Variants in NT5DC3 observed in about 807,000 individuals in gnomAD.
NT5DC3 encodes 5'-nucleotidase domain-containing protein 3.
NT5DC3 carries 42 observed loss-of-function variants against 67.8 expected under a neutral mutation model. The ratio of observed to expected loss-of-function variants is 0.62; its 90% CI spans 0.48 to 0.80. NT5DC3 has a LOEUF of 0.80. Ranked by LOEUF, NT5DC3 falls within the 30% of genes least tolerant of loss-of-function variation. The pLI, the probability that NT5DC3 is intolerant of heterozygous loss-of-function variation, is 0.00. For missense variants in NT5DC3, 570 were observed against 696.4 expected, an observed-to-expected ratio of 0.82 and a Z score of 2.04; for synonymous variants, 237 against 255.6, an observed-to-expected ratio of 0.93 and a Z score of 0.69.
chr12:103,840,912 G>A, intron 1 of NT5DC3, 37 bp downstream of exon 1: 3 of 1,265,328 alleles, frequency 2.4e-6, no homozygotes, highest in Non-Finnish European at 2.1e-6. Context: ...CGCAGGAGGG[G>A]CCCCAGGCGC....
At chr12:103,779,107 T>C (rs534885485) in intron 13 of NT5DC3, among the ~76,000 whole-genome samples, 1 of 152,314 alleles carries the variant, frequency 6.6e-6, no homozygotes, top group Non-Finnish European at 1.5e-5. Context: ...TTGTAAACTC[T>C]CAAGTGCTCA....
At position 103,777,979 on chromosome 12, in the gene NT5DC3, G is replaced by T; in HGVS notation, c.1497C>A (p.Ile499=). ...GGAGGCAGCTCAGAGACGCCATGTA[G>T]ATGTCAGCGAAGCGCGACAGGCGCC... is the stretch of plus-strand genomic sequence containing the variant. ...FLRRLSRFAD[I]YMASLSCLLN... is the part of the protein sequence containing the mutation. Residue 499 remains isoleucine (I), a synonymous_variant, in exon 14 of 14, where the codon ATC becomes ATA. Transcript: ENST00000392876. 4.3e-6 allele frequency: 7 copies of T among 1,614,222 alleles called. No homozygotes were observed. The highest frequency in any genetic ancestry group is 5.9e-6 in the Non-Finnish European group (7 of 1,180,040).
the NT5DC3 span, among the ~76,000 whole-genome samples, chr12:103,756,990 A>AG: frequency 0.16 from 8,604 of 53,748 alleles, 949 homozygotes; most frequent in African/African-American, 0.42. Context: ...GCCCAGAAGG[A>AG]GGGAAAATAT....
At chr12:103,803,450 T>C (rs1886666381) in intron 4 of NT5DC3, among the ~76,000 whole-genome samples, 1 of 152,160 alleles carries the variant, frequency 6.6e-6, no homozygotes, top group Non-Finnish European at 1.5e-5. Context: ...AATATACATG[T>C]TACTTACAAA....
At position 103,811,384 on chromosome 12, in the gene NT5DC3, G is replaced by A. The variant is rs567843390; in HGVS notation, c.393+3553C>T. ...GGGTTTGGAGGTTCAAGGAGCAGGAGGGGAGGAGAGGAGACGGCTGGAGGA... is the reference window on the plus strand; with the variant it reads ...GGGTTTGGAGGTTCAAGGAGCAGGAAGGGAGGAGAGGAGACGGCTGGAGGA... On this transcript the variant is annotated intron_variant, in intron 2 of 13. Coordinates refer to ENST00000392876, the MANE Select transcript of NT5DC3 (RefSeq NM_001031701.3). 2.3e-3 allele frequency among the ~76,000 whole-genome samples: 348 copies of A among 152,292 alleles called. 2 individuals are homozygous for A. The highest frequency in any genetic ancestry group is 8.1e-3 in the African/African-American group (336 of 41,546).
rs1397360971 is a variant in NT5DC3, at chr12:103,775,700, C to T, written c.*2129G>A. The T allele has an allele frequency of 7.2e-6, 1 of 139,082 alleles. No homozygotes were observed. Among genetic ancestry groups the T allele is most frequent in the East Asian group, 2.8e-4 (1 of 3,632 alleles). 8.6% of individuals were successfully genotyped at this position (139,082 alleles called of 1,614,324 possible). On this transcript the variant is annotated 3_prime_UTR_variant, in exon 14 of 14. Coordinates refer to ENST00000392876, the MANE Select transcript of NT5DC3 (RefSeq NM_001031701.3). ...AAAAAGAACATACTACTGTGCCTTA[C>T]TGTGTTCATAACAAAATGTAGAAGA...
chr12:103,756,025 A>G, the NT5DC3 span, among the ~76,000 whole-genome samples: 1 of 152,166 alleles, frequency 6.6e-6, no homozygotes, highest in Admixed American at 6.5e-5. Flanking sequence ...TGGTCTGTAC[A>G]TGGAAAATTC....
At chr12:103,764,578 T>TTAA in the NT5DC3 span, among the ~76,000 whole-genome samples, 2 of 152,228 alleles carry the variant, frequency 1.3e-5, no homozygotes, top group African/African-American at 4.8e-5. Context: ...GGAATAGAAC[T>TTAA]TAATTTTTCT....
chr12:103,746,494 T>G, the NT5DC3 span: 1 of 1,057,854 alleles, frequency 9.5e-7, no homozygotes, highest in Admixed American at 1.7e-5. Flanking sequence ...GGGGCACTTA[T>G]GAACACAGTG....
In NT5DC3 at chr12:103,777,949, G is replaced by C; in HGVS notation, c.1527C>G (p.Asn509Lys). The C allele has an allele frequency of 6.2e-7, 1 of 1,614,238 alleles. No individual in the cohort carries two copies. The highest frequency in any genetic ancestry group is 8.5e-7 in the Non-Finnish European group (1 of 1,180,050). ...IYMASLSCLL[N>K]YDVSHTFYPR... ...GGTAGAAAGTGTGGCTGACGTCATA[G>C]TTCAGGAGGCAGCTCAGAGACGCCA... Residue 509 changes from asparagine (N) to lysine (K), a missense_variant, in exon 14 of 14, where the codon AAC becomes AAG. Physicochemically the swap from Asn to Lys is moderately conservative, Grantham distance 94. Coordinates refer to ENST00000392876, the MANE Select transcript of NT5DC3 (RefSeq NM_001031701.3).
intron 2 of NT5DC3, among the ~76,000 whole-genome samples, chr12:103,810,683 GT>G (rs1292601609): frequency 6.6e-6 from 1 of 152,160 alleles, no homozygotes; most frequent in East Asian, 1.9e-4. Context: ...AGAGCAAAGT[GT>G]CCCCCTGAAA....
At chr12:103,746,347 T>C in the NT5DC3 span, 2 of 349,822 alleles carry the variant, frequency 5.7e-6, no homozygotes, top group Non-Finnish European at 5.3e-6. Flanking sequence ...TGATAGCCCC[T>C]AAAGAACATT....
chr12:103,764,145 G>T, the NT5DC3 span, among the ~76,000 whole-genome samples: 4 of 152,132 alleles, frequency 2.6e-5, no homozygotes, highest in South Asian at 8.3e-4. Flanking sequence ...TACAGACAGG[G>T]TTTCTCCATG....
intron 4 of NT5DC3, among the ~76,000 whole-genome samples, chr12:103,799,102 G>A (rs76891125): frequency 0.053 from 8,095 of 152,196 alleles, 467 homozygotes; most frequent in East Asian, 0.17. Context: ...CTGGCTCTAT[G>A]GTCCAGGCTC....
At chr12:103,749,675 C>CA in the NT5DC3 span, among the ~76,000 whole-genome samples, 33,514 of 131,564 alleles carry the variant, frequency 0.25, 4,154 homozygotes, top group African/African-American at 0.28. Context: ...TAAAAAAATG[C>CA]AAAAAAAAAA....
At chr12:103,749,036 C>T in the NT5DC3 span, 1 of 1,614,166 alleles carries the variant, frequency 6.2e-7, no homozygotes, top group Non-Finnish European at 8.5e-7. Flanking sequence ...GCACGAAGGT[C>T]TCCTGCAGCT....
chr12:103,760,513 G>A, the NT5DC3 span, among the ~76,000 whole-genome samples: 19 of 152,222 alleles, frequency 1.2e-4, no homozygotes, highest in African/African-American at 2.2e-4. Context: ...TGCCTGCCTC[G>A]GCCTTCCAAA....
At chr12:103,804,784 G>A (rs1886726021) in intron 4 of NT5DC3, among the ~76,000 whole-genome samples, 1 of 152,220 alleles carries the variant, frequency 6.6e-6, no homozygotes, top group African/African-American at 2.4e-5. Flanking sequence ...GGATGCAGTG[G>A]CTCACGCCTA....
chr12:103,793,615 G>A (rs1380781182), intron 7 of NT5DC3, 103 bp from the exon 8 acceptor site: 2 of 792,368 alleles, frequency 2.5e-6, no homozygotes, highest in Admixed American at 2.2e-5. Flanking sequence ...CCTAGGCACA[G>A]GAAAGGGAAT....
Sources: allele counts gnomAD v4.1 joint callset (sites outside exome capture counted in the v4.1 genomes callset), GRCh38; gene constraint gnomAD v4.1.1; transcripts MANE v1.5; gene names NCBI Gene and HGNC (gene_info 2026-07-23, HGNC 2026-07-21).